WDR25: variants seen among roughly 807,000 people sequenced by gnomAD.
WDR25 encodes WD repeat domain 25, also known as WD repeat-containing protein 25.
A neutral mutation model predicts 47.7 loss-of-function variants in WDR25; 35 were observed. The ratio of observed to expected loss-of-function variants is 0.73; its 90% CI spans 0.56 to 0.97. WDR25 has a LOEUF of 0.97. Ranked by LOEUF, WDR25 falls within the 50% of genes least tolerant of loss-of-function variation. WDR25 has a pLI of 0.00. For missense variants in WDR25, 634 were observed against 704.7 expected, an observed-to-expected ratio of 0.90 and a Z score of 1.14; for synonymous variants, 248 against 278.9, an observed-to-expected ratio of 0.89 and a Z score of 1.10.
At chr14:100,494,162 G>A (rs1237165821) in intron 4 of WDR25, among the ~76,000 whole-genome samples, 5 of 152,212 alleles carry the variant, frequency 3.3e-5, no homozygotes, top group Non-Finnish European at 7.3e-5. Flanking sequence ...GGGCTCAAGG[G>A]ATCCTCCCAC....
intron 2 of WDR25, among the ~76,000 whole-genome samples, chr14:100,442,449 A>T (rs111836716): frequency 2.0e-5 from 3 of 152,224 alleles, no homozygotes; most frequent in Admixed American, 2.0e-4. Flanking sequence ...TCAGCACTGA[A>T]ATAGTGGGTC....
At chr14:100,417,198 G>C (rs1357356511) in intron 2 of WDR25, among the ~76,000 whole-genome samples, 2 of 152,184 alleles carry the variant, frequency 1.3e-5, no homozygotes, top group Non-Finnish European at 2.9e-5. Context: ...AGAGTCCTCC[G>C]CTCATCTCCT....
chr14:100,519,792 CTA>C (rs1566946676), intron 4 of WDR25, among the ~76,000 whole-genome samples: 1 of 132,676 alleles, frequency 7.5e-6, no homozygotes, highest in African/African-American at 2.8e-5. Flanking sequence ...ATATACTATA[CTA>C]TATGTATATA....
chr14:100,431,447 C>T (rs986372620), intron 2 of WDR25, among the ~76,000 whole-genome samples: 1 of 152,112 alleles, frequency 6.6e-6, no homozygotes, highest in African/African-American at 2.4e-5. Context: ...CGGAAATAAT[C>T]CATAAGAACT....
chr14:100,478,311 G>A (rs77840803), intron 3 of WDR25, among the ~76,000 whole-genome samples: 3,353 of 152,280 alleles, frequency 0.022, 120 homozygotes, highest in African/African-American at 0.076. Context: ...AAGAGTGTGA[G>A]ACAGAGCAGT....
chr14:100,438,136 T>C (rs182979510), intron 2 of WDR25, among the ~76,000 whole-genome samples: 3 of 152,366 alleles, frequency 2.0e-5, no homozygotes, highest in Admixed American at 1.3e-4. Flanking sequence ...ATTTTGTTGC[T>C]GGTGTCTAAT....
At chr14:100,396,008 G>A (rs983851349) in intron 2 of WDR25, among the ~76,000 whole-genome samples, 107 of 133,796 alleles carry the variant, frequency 8.0e-4, no homozygotes, top group African/African-American at 2.8e-3. Context: ...ACGGAGTCTC[G>A]CTCTGTCGCC....
rs182130309 is a variant in WDR25, at chr14:100,409,900, A to C, written c.822+28154A>C. Among the ~76,000 whole-genome samples, 16 of 152,344 alleles carry C rather than the reference A, an allele frequency of 1.1e-4. No individual in the cohort carries two copies. In the East Asian group the frequency reaches 3.1e-3, roughly 29 times the overall value. ...AATTTGCTTCCTGCAGAGCTGCTCC[A>C]GAATTCTCATACTTAGTTTATTAGA... On this transcript the variant is annotated intron_variant, in intron 2 of 6. Coordinates refer to ENST00000402312, the MANE Select transcript of WDR25 (RefSeq NM_001161476.3).
intron 4 of WDR25, among the ~76,000 whole-genome samples, chr14:100,508,071 C>T (rs572728472): frequency 6.6e-6 from 1 of 152,266 alleles, no homozygotes; most frequent in Admixed American, 6.5e-5. Context: ...AAAGTTAATT[C>T]ACCATGATCA....
chr14:100,518,797 G>A (rs1030252907), intron 4 of WDR25, among the ~76,000 whole-genome samples: 2 of 151,954 alleles, frequency 1.3e-5, no homozygotes, highest in African/African-American at 4.8e-5. Context: ...GGGAGGCTGA[G>A]GCAGAAGAAT....
chr14:100,402,275 C>T (rs905695034), intron 2 of WDR25, among the ~76,000 whole-genome samples: 1 of 152,050 alleles, frequency 6.6e-6, no homozygotes, highest in African/African-American at 2.4e-5. Context: ...AATCATAAAG[C>T]TCACACCCAA....
At chr14:100,379,675 A>G (rs1468879270) in intron 1 of WDR25, among the ~76,000 whole-genome samples, 1 of 151,648 alleles carries the variant, frequency 6.6e-6, no homozygotes, top group Non-Finnish European at 1.5e-5. Context: ...GGTGTGAGCC[A>G]TCACGCCCAG....
At chr14:100,415,547 T>A (rs949951737) in intron 2 of WDR25, among the ~76,000 whole-genome samples, 21 of 152,310 alleles carry the variant, frequency 1.4e-4, no homozygotes, top group African/African-American at 5.1e-4. Context: ...CTGGAACAGA[T>A]TTATTTTTAT....
chr14:100,463,000 TCTCTCCCCCTTC>T (rs1266328648), intron 2 of WDR25, among the ~76,000 whole-genome samples: 1 of 26,198 alleles, frequency 3.8e-5, no homozygotes, highest in Non-Finnish European at 5.6e-5. Flanking sequence ...CCCCTTCTCT[TCTCTCCCCCTTC>T]CTCTCCCCCT....
intron 4 of WDR25, among the ~76,000 whole-genome samples, chr14:100,515,079 C>T (rs576780306): frequency 1.3e-5 from 2 of 152,256 alleles, no homozygotes; most frequent in South Asian, 2.1e-4. Flanking sequence ...CTGTATTTCT[C>T]ATCTTTGCTT....
chr14:100,403,776 A>G (rs2140175886), intron 2 of WDR25, among the ~76,000 whole-genome samples: 1 of 152,360 alleles, frequency 6.6e-6, no homozygotes, highest in East Asian at 1.9e-4. Flanking sequence ...AGGCAGAATT[A>G]GAATGACAGG....
chr14:100,438,135 C>T (rs1229327393), intron 2 of WDR25, among the ~76,000 whole-genome samples: 1 of 152,144 alleles, frequency 6.6e-6, no homozygotes, highest in African/African-American at 2.4e-5. Flanking sequence ...TATTTTGTTG[C>T]TGGTGTCTAA....
chr14:100,384,547 T>A (rs1896976357), intron 2 of WDR25, among the ~76,000 whole-genome samples: 1 of 152,136 alleles, frequency 6.6e-6, no homozygotes, highest in Non-Finnish European at 1.5e-5. Context: ...CTCCTTGGTG[T>A]CAGAGGTGGG....
chr14:100,399,334 C>T (rs548507529), intron 2 of WDR25, among the ~76,000 whole-genome samples: 4 of 152,120 alleles, frequency 2.6e-5, no homozygotes, highest in Admixed American at 6.5e-5. Flanking sequence ...GTGATTTTTC[C>T]GACAAAAGTC....
Sources: gnomAD v4.1 joint callset for allele counts (sites outside exome capture counted in the v4.1 genomes callset) on GRCh38, gnomAD v4.1.1 for gene constraint, MANE v1.5 for transcripts, NCBI Gene and HGNC (gene_info 2026-07-23, HGNC 2026-07-21) for gene names.